The following PLEKHA5 variants were observed in gnomAD, a reference collection of about 807,000 sequenced individuals.
The protein encoded by PLEKHA5 is pleckstrin homology domain containing A5.
Under a neutral mutation model 181.9 loss-of-function variants are expected in PLEKHA5, and 55 were observed. The ratio of observed to expected loss-of-function variants is 0.30; its 90% CI spans 0.24 to 0.38. The LOEUF (loss-of-function observed/expected upper bound fraction) is 0.38. Ranked by LOEUF, PLEKHA5 falls within the 10% of genes least tolerant of loss-of-function variation. The pLI is 1.00. For synonymous variants in PLEKHA5, 535 were observed against 529.4 expected, an observed-to-expected ratio of 1.01 and a Z score of -0.15; for missense variants, 1,432 against 1,549.5, an observed-to-expected ratio of 0.92 and a Z score of 1.27.
chr12:19,156,637 A>C (rs2041787612), intron 3 of PLEKHA5, among the ~76,000 whole-genome samples: 1 of 151,670 alleles, frequency 6.6e-6, no homozygotes, highest in East Asian at 1.9e-4. Context: ...TTTGGTATGA[A>C]CTCTGATAAG....
rs1437269379 is a variant in PLEKHA5 at position 19,170,011 on chromosome 12, C to G, written c.227+37561C>G. Among the ~76,000 whole-genome samples the G allele has an allele frequency of 2.0e-5, 3 of 152,150 alleles. No homozygotes were observed. In the East Asian group the frequency reaches 5.8e-4, roughly 29 times the overall value. The stretch of plus-strand genomic sequence containing the variant: ...GAAACAAATTCATATTTAGTCAGTA[C>G]TTATTATCTGTTGTTAATTATGTGT... On this transcript the variant is annotated intron_variant, in intron 3 of 31. Transcript: ENST00000429027.
At chr12:19,237,503 AT>A (rs5796793) in intron 3 of PLEKHA5, among the ~76,000 whole-genome samples, 118,773 of 151,750 alleles carry the variant, frequency 0.78, 49,087 homozygotes, top group Non-Finnish European at 0.93. Context: ...GCATTATGTA[AT>A]TTTTTTTAAG....
At chr12:19,238,519 C>T (rs1295763121) in intron 3 of PLEKHA5, among the ~76,000 whole-genome samples, 6 of 152,064 alleles carry the variant, frequency 3.9e-5, no homozygotes, top group Non-Finnish European at 8.8e-5. Flanking sequence ...CAGATTCCAA[C>T]TAAGATTCTA....
At chr12:19,326,112 A>G (rs2092038968) in intron 20 of PLEKHA5, among the ~76,000 whole-genome samples, 1 of 152,124 alleles carries the variant, frequency 6.6e-6, no homozygotes, top group Admixed American at 6.6e-5. Flanking sequence ...TTATGTAATC[A>G]CTTTCCTGGT....
chr12:19,258,532 C>A (rs2067443193), intron 6 of PLEKHA5, among the ~76,000 whole-genome samples: 1 of 149,388 alleles, frequency 6.7e-6, no homozygotes, highest in Admixed American at 6.7e-5. Context: ...AAGGTTTTTG[C>A]ACATTTAGTT....
intron 3 of PLEKHA5, among the ~76,000 whole-genome samples, chr12:19,223,109 T>C (rs2059221331): frequency 6.6e-6 from 1 of 151,808 alleles, no homozygotes; most frequent in African/African-American, 2.4e-5. Flanking sequence ...ATCCAAAATG[T>C]TGCTGAGTGC....
intron 3 of PLEKHA5, among the ~76,000 whole-genome samples, chr12:19,132,686 A>G (rs989040137): frequency 3.3e-5 from 5 of 150,650 alleles, no homozygotes; most frequent in Admixed American, 1.3e-4. Flanking sequence ...AAATTAGATC[A>G]TTTATGGCCA....
intron 16 of PLEKHA5, among the ~76,000 whole-genome samples, chr12:19,317,531 A>G (rs1241824545): frequency 6.6e-6 from 1 of 152,072 alleles, no homozygotes; most frequent in African/African-American, 2.4e-5. Context: ...TTTTTTTGCC[A>G]TCTGTGGATA....
At chr12:19,340,166 C>T (rs942587586) in intron 21 of PLEKHA5, among the ~76,000 whole-genome samples, 4 of 152,198 alleles carry the variant, frequency 2.6e-5, no homozygotes, top group Non-Finnish European at 5.9e-5. Flanking sequence ...AAAAATTCAA[C>T]AAGGGATAAC....
intron 3 of PLEKHA5, 103 bp from the exon 4 acceptor site, chr12:19,253,837 G>C (rs904721808): frequency 8.7e-6 from 7 of 800,494 alleles, no homozygotes; most frequent in Middle Eastern, 3.2e-4. Context: ...AAAAAAAAAG[G>C]CTGGAAGTTT....
intron 16 of PLEKHA5, among the ~76,000 whole-genome samples, chr12:19,316,392 T>C (rs1238443160): frequency 2.0e-5 from 3 of 151,864 alleles, no homozygotes; most frequent in Non-Finnish European, 4.4e-5. Context: ...TAATTGGGGT[T>C]TTCCCAAAGT....
chr12:19,164,149 G>A (rs571464060), intron 3 of PLEKHA5, among the ~76,000 whole-genome samples: 68 of 148,622 alleles, frequency 4.6e-4, no homozygotes, highest in South Asian at 4.1e-3. Flanking sequence ...CTTTTAACTT[G>A]CCCTCATTCT....
At chr12:19,375,214 G>C (rs1332460696) in intron 31 of PLEKHA5, among the ~76,000 whole-genome samples, 2 of 151,378 alleles carry the variant, frequency 1.3e-5, no homozygotes, top group East Asian at 3.9e-4. Context: ...ATCCCAGCTA[G>C]TTGGGAGACT....
chr12:19,318,824 G>A (rs924193720), intron 16 of PLEKHA5, among the ~76,000 whole-genome samples: 1 of 152,076 alleles, frequency 6.6e-6, no homozygotes, highest in Non-Finnish European at 1.5e-5. Flanking sequence ...TGGAGGCTGA[G>A]GCAAAAGAAT....
At chr12:19,222,421 A>G (rs2059097941) in intron 3 of PLEKHA5, among the ~76,000 whole-genome samples, 2 of 152,092 alleles carry the variant, frequency 1.3e-5, no homozygotes, top group Non-Finnish European at 1.5e-5. Flanking sequence ...GTTCGTTCTC[A>G]GCTTTGGGAA....
intron 3 of PLEKHA5, among the ~76,000 whole-genome samples, chr12:19,245,975 C>CTT (rs765435105): frequency 4.2e-4 from 58 of 136,982 alleles, no homozygotes; most frequent in African/African-American, 1.5e-3. Context: ...CATTTACTGC[C>CTT]TTTTTTTTTT....
rs992104135 is a variant in PLEKHA5, at chr12:19,345,998, T to C, written c.2709+110T>C. 6 of 518,016 alleles carry C rather than the reference T, an allele frequency of 1.2e-5. No homozygotes were observed. The Admixed American group carries it at 1.2e-4, about 10-fold the overall frequency. The allele number at this position is 518,016 out of a possible 1,614,324, so 32.1% of individuals were successfully genotyped here. A position where few individuals can be genotyped will look rare whatever the true frequency, so the allele number is the denominator to read the frequency against. ...TAACAAAAATATTTTTTAAATATATTGAACAGATATTGTTTTAGTCTTGAA... is the reference window on the plus strand; with the variant it reads ...TAACAAAAATATTTTTTAAATATATCGAACAGATATTGTTTTAGTCTTGAA... On this transcript the variant is annotated intron_variant, in intron 23 of 31. Coordinates refer to ENST00000429027, the MANE Select transcript of PLEKHA5 (RefSeq NM_001256470.2).
chr12:19,311,007 A>T lies in PLEKHA5; in HGVS notation c.2038-3807A>T, dbSNP rs182551800. On this transcript the variant is annotated intron_variant, in intron 15 of 31. Transcript: ENST00000429027. ...GGTGGTGGTTGCTGAAGGTTGGGAT[A>T]GCTGTGGCAGTTCCTTAAAATAAGA... Among the ~76,000 whole-genome samples the T allele has an allele frequency of 6.0e-4, 91 of 152,296 alleles. No individual in the cohort carries two copies. The South Asian group carries it at 6.4e-3, about 11-fold the overall frequency.
chr12:19,163,473 G>A (rs1288143211), intron 3 of PLEKHA5, among the ~76,000 whole-genome samples: 2 of 152,000 alleles, frequency 1.3e-5, no homozygotes, highest in Non-Finnish European at 2.9e-5. Flanking sequence ...CACCCACCGC[G>A]CCCAGCCTGA....
Sources: gnomAD v4.1 joint callset for allele counts (sites outside exome capture counted in the v4.1 genomes callset) on GRCh38, gnomAD v4.1.1 for gene constraint, MANE v1.5 for transcripts, NCBI Gene and HGNC (gene_info 2026-07-23, HGNC 2026-07-21) for gene names.